GNG12: variants seen among roughly 807,000 people sequenced by gnomAD.
GNG12 encodes guanine nucleotide-binding protein G(I)/G(S)/G(O) subunit gamma-12.
For missense variants in GNG12, 69 were observed against 83.8 expected, an observed-to-expected ratio of 0.82 and a Z score of 0.69; for synonymous variants, 28 against 29.7, an observed-to-expected ratio of 0.94 and a Z score of 0.19.
chr1:67,721,920 C>T (rs2100689018), intron 2 of GNG12, among the ~76,000 whole-genome samples: 1 of 152,124 alleles, frequency 6.6e-6, no homozygotes, highest in East Asian at 1.9e-4. Flanking sequence ...AAATGGAATC[C>T]TTTACCCTGG....
At chr1:67,808,961 A>C (rs973286559) in intron 1 of GNG12, among the ~76,000 whole-genome samples, 7 of 152,198 alleles carry the variant, frequency 4.6e-5, no homozygotes, top group African/African-American at 1.7e-4. Flanking sequence ...ATTACGAAGA[A>C]GCAAAAGGCC....
In GNG12 at chr1:67,701,613, A is replaced by G. The variant is rs956127212; in HGVS notation, c.*3838T>C. ...TGCTAGCTGTGAAGTACATGCTTTT[A>G]TTCTTTCCATAGGACATATTTCCAA... is the stretch of plus-strand genomic sequence containing the variant. On this transcript the variant is annotated 3_prime_UTR_variant, in exon 4 of 4. Coordinates refer to ENST00000370982, the MANE Select transcript of GNG12 (RefSeq NM_018841.6). 2 of 152,666 alleles carry G rather than the reference A, an allele frequency of 1.3e-5. No individual in the cohort carries two copies. Among genetic ancestry groups the G allele is most frequent in the Non-Finnish European group, 2.9e-5 (2 of 68,048 alleles). 9.5% of individuals were successfully genotyped at this position (152,666 alleles called of 1,614,324 possible). A position where few individuals can be genotyped will look rare whatever the true frequency, so the allele number is the denominator to read the frequency against.
intron 1 of GNG12, among the ~76,000 whole-genome samples, chr1:67,795,963 G>A (rs536767997): frequency 3.3e-5 from 5 of 152,248 alleles, no homozygotes; most frequent in East Asian, 1.9e-4. Context: ...TTTCTCCTAC[G>A]GGTACAATTA....
chr1:67,804,859 G>T (rs1646886153), intron 1 of GNG12, among the ~76,000 whole-genome samples: 1 of 152,136 alleles, frequency 6.6e-6, no homozygotes, highest in South Asian at 2.1e-4. Context: ...ATGTTTGTGA[G>T]TTTTACCTCT....
intron 1 of GNG12, among the ~76,000 whole-genome samples, chr1:67,810,606 T>C (rs1646919312): frequency 1.3e-5 from 2 of 152,228 alleles, no homozygotes; most frequent in South Asian, 4.1e-4. Flanking sequence ...AAAGATTGAT[T>C]TGTGAGACAT....
intron 2 of GNG12, among the ~76,000 whole-genome samples, chr1:67,740,218 C>T (rs1646475125): frequency 1.3e-5 from 2 of 152,210 alleles, no homozygotes; most frequent in Non-Finnish European, 2.9e-5. Context: ...AGAACATACA[C>T]AAATGAATTA....
chr1:67,793,983 G>C (rs1646815782), intron 1 of GNG12, among the ~76,000 whole-genome samples: 1 of 152,132 alleles, frequency 6.6e-6, no homozygotes, highest in African/African-American at 2.4e-5. Flanking sequence ...CCAAAACGGA[G>C]GAGGGGGGAT....
At chr1:67,821,346 A>G (rs1383472894) in intron 1 of GNG12, among the ~76,000 whole-genome samples, 1 of 152,064 alleles carries the variant, frequency 6.6e-6, no homozygotes, top group African/African-American at 2.4e-5. Flanking sequence ...AACAAAAAAA[A>G]ACATCAGAGA....
At chr1:67,735,028 T>C (rs2100704660) in intron 2 of GNG12, among the ~76,000 whole-genome samples, 1 of 151,694 alleles carries the variant, frequency 6.6e-6, no homozygotes, top group East Asian at 1.9e-4. Flanking sequence ...TAATTTTGTA[T>C]TTTTTTTAGT....
chr1:67,747,301 G>A (rs552303611), intron 2 of GNG12, among the ~76,000 whole-genome samples: 3 of 152,078 alleles, frequency 2.0e-5, no homozygotes, highest in African/African-American at 7.2e-5. Flanking sequence ...TATATTTTTA[G>A]TGGAGATGGG....
chr1:67,774,905 A>G (rs1029425038), intron 2 of GNG12, among the ~76,000 whole-genome samples: 5 of 152,260 alleles, frequency 3.3e-5, no homozygotes, highest in African/African-American at 1.2e-4. Flanking sequence ...GTAGTACAAA[A>G]GCAATTGAAA....
chr1:67,797,024 G>A (rs923936284), intron 1 of GNG12, among the ~76,000 whole-genome samples: 3 of 152,174 alleles, frequency 2.0e-5, no homozygotes, highest in South Asian at 4.1e-4. Flanking sequence ...TTACCATGCG[G>A]AGGGCACCAA....
chr1:67,808,213 G>T (rs1165392742), intron 1 of GNG12, among the ~76,000 whole-genome samples: 3 of 151,898 alleles, frequency 2.0e-5, no homozygotes, highest in Non-Finnish European at 4.4e-5. Context: ...TCACATGATC[G>T]TATCAACAGA....
intron 2 of GNG12, among the ~76,000 whole-genome samples, chr1:67,708,405 GTTA>G (rs1388999993): frequency 6.6e-6 from 1 of 152,138 alleles, no homozygotes; most frequent in African/African-American, 2.4e-5. Flanking sequence ...TTAATAAAAC[GTTA>G]TTATTCCCTC....
intron 1 of GNG12, among the ~76,000 whole-genome samples, chr1:67,797,009 A>G (rs1646834958): frequency 6.6e-6 from 1 of 152,122 alleles, no homozygotes; most frequent in Non-Finnish European, 1.5e-5. Flanking sequence ...GTGAGAACTC[A>G]CTCATTACCA....
intron 1 of GNG12, among the ~76,000 whole-genome samples, chr1:67,787,271 G>GT (rs1328942738): frequency 3.9e-5 from 6 of 152,028 alleles, no homozygotes; most frequent in Non-Finnish European, 7.4e-5. Flanking sequence ...AATGACCAGG[G>GT]TTTACCACAA....
chr1:67,728,816 C>G (rs1037764763), intron 2 of GNG12, among the ~76,000 whole-genome samples: 1 of 152,172 alleles, frequency 6.6e-6, no homozygotes, highest in East Asian at 1.9e-4. Flanking sequence ...TAGGCCCCCC[C>G]ACACAGAAAC....
chr1:67,786,323 G>T (rs767712923), intron 1 of GNG12, among the ~76,000 whole-genome samples: 15 of 152,210 alleles, frequency 9.9e-5, no homozygotes, highest in African/African-American at 3.4e-4. Flanking sequence ...TAGCTGTTTC[G>T]TGTCTATTTC....
At chr1:67,706,652 CTTTCT>C (rs745878947) in intron 3 of GNG12, among the ~76,000 whole-genome samples, 2 of 99,366 alleles carry the variant, frequency 2.0e-5, no homozygotes, top group African/African-American at 3.4e-5. Context: ...TTTTTCTTTT[CTTTCT>C]TTTTTTTTTT....
Sources: gnomAD v4.1 joint callset for allele counts (sites outside exome capture counted in the v4.1 genomes callset) on GRCh38, gnomAD v4.1.1 for gene constraint, MANE v1.5 for transcripts, NCBI Gene and HGNC (gene_info 2026-07-23, HGNC 2026-07-21) for gene names.